CDH9: variants seen among roughly 807,000 people sequenced by gnomAD.
CDH9 encodes cadherin 9.
CDH9 carries 28 observed loss-of-function variants against 70.9 expected under a neutral mutation model. The ratio of observed to expected loss-of-function variants is 0.40; its 90% CI spans 0.29 to 0.54. The LOEUF (loss-of-function observed/expected upper bound fraction) is 0.54, where lower values mean the gene tolerates loss of function less well. CDH9 is among the 20% of genes least tolerant of loss of function. The pLI, the probability that CDH9 is intolerant of heterozygous loss-of-function variation, is 0.59. For synonymous variants in CDH9, 409 were observed against 343.1 expected (o/e 1.19, Z -2.12); for missense variants, 874 against 984.4 (o/e 0.89, Z 1.50).
chr5:27,021,025 A>G (rs1743129359), intron 1 of CDH9, among the ~76,000 whole-genome samples: 1 of 150,968 alleles, frequency 6.6e-6, no homozygotes, highest in Admixed American at 6.6e-5. Context: ...GATTTGGCTT[A>G]CTTTCTTTTG....
At chr5:26,930,932 T>G (rs1741451751) in intron 2 of CDH9, among the ~76,000 whole-genome samples, 1 of 152,138 alleles carries the variant, frequency 6.6e-6, no homozygotes, top group Non-Finnish European at 1.5e-5. Context: ...CATCTCATAT[T>G]AGATATTAGC....
intron 1 of CDH9, among the ~76,000 whole-genome samples, chr5:26,993,698 C>CAAAAAAAAAAAAAAA (rs34545141): frequency 2.0e-5 from 1 of 51,002 alleles, no homozygotes; most frequent in African/African-American, 8.4e-5. Context: ...TATTCAGCTG[C>CAAAAAAAAAAAAAAA]AAAAAAAAAA....
chr5:26,971,269 T>C (rs1326779924), intron 2 of CDH9, among the ~76,000 whole-genome samples: 1 of 152,164 alleles, frequency 6.6e-6, no homozygotes, highest in African/African-American at 2.4e-5. Flanking sequence ...AAATTAGGAT[T>C]CACTCATCGG....
chr5:27,034,365 A>G (rs77534649), intron 1 of CDH9, among the ~76,000 whole-genome samples: 144 of 151,748 alleles, frequency 9.5e-4, no homozygotes, highest in African/African-American at 3.3e-3. Context: ...TCATCGATCA[A>G]TTAGAGAGAT....
chr5:27,001,391 A>C (rs1254829032), intron 1 of CDH9, among the ~76,000 whole-genome samples: 3 of 152,118 alleles, frequency 2.0e-5, no homozygotes, highest in African/African-American at 7.2e-5. Context: ...CTATATTTGT[A>C]TACTGGAACT....
intron 6 of CDH9, chr5:26,903,330 A>G: frequency 2.3e-6 from 1 of 432,392 alleles, no homozygotes; most frequent in Non-Finnish European, 4.2e-6. Flanking sequence ...TGAAAAGTGC[A>G]TGAAATAATG....
rs1162227079 is a variant in CDH9 at position 26,881,412 on chromosome 5, A to T, written c.2094T>A (p.Phe698Leu). 1 of 1,613,498 alleles carries T rather than the reference A, an allele frequency of 6.2e-7. No homozygotes were observed. Among genetic ancestry groups the T allele is most frequent in the South Asian group, 1.1e-5 (1 of 91,076 alleles). ...ACAGAGGCACAGTCCTCCTTATCTG[A>T]AAAATAGTTTCAGGCATTACATCCC... ...LRRDVMPETIFQIRRTVPLWE... is the reference protein window; with the variant it reads ...LRRDVMPETILQIRRTVPLWE... The change falls in exon 12 of 12, where the codon TTT (phenylalanine) becomes TTA (leucine). Residue 698 changes from phenylalanine (F) to leucine (L), a missense_variant. By Grantham distance (22) the Phe-to-Leu change is conservative. Coordinates refer to ENST00000231021, the MANE Select transcript of CDH9 (RefSeq NM_016279.4).
intron 2 of CDH9, among the ~76,000 whole-genome samples, chr5:26,926,920 C>CCCT (rs143507295): frequency 0.071 from 10,157 of 143,526 alleles, 509 homozygotes; most frequent in East Asian, 0.17. Context: ...AAATACAGCC[C>CCCT]CCCCCCGCAA....
At chr5:26,996,882 G>C (rs749210785) in intron 1 of CDH9, among the ~76,000 whole-genome samples, 5 of 151,880 alleles carry the variant, frequency 3.3e-5, no homozygotes, top group African/African-American at 4.8e-5. Context: ...ATCCAAATTA[G>C]TGGTGTAAAA....
chr5:27,009,981 T>C (rs1742929713), intron 1 of CDH9, among the ~76,000 whole-genome samples: 1 of 152,048 alleles, frequency 6.6e-6, no homozygotes, highest in South Asian at 2.1e-4. Flanking sequence ...TTTTGTCCAA[T>C]TAAAAGGATT....
At chr5:26,889,004 T>A (rs539541233) in intron 9 of CDH9, among the ~76,000 whole-genome samples, 1 of 152,282 alleles carries the variant, frequency 6.6e-6, no homozygotes, top group East Asian at 1.9e-4. Context: ...AGGGTTACAT[T>A]TTCAAGATTT....
At chr5:26,978,771 G>A (rs1742347021) in intron 2 of CDH9, among the ~76,000 whole-genome samples, 1 of 151,652 alleles carries the variant, frequency 6.6e-6, no homozygotes, top group African/African-American at 2.4e-5. Context: ...ATTACATATA[G>A]GGCAGCAACA....
chr5:26,881,160 C>A lies in CDH9; in HGVS notation c.2346G>T (p.Gly782=). 1 of 1,611,906 alleles carries A rather than the reference C, an allele frequency of 6.2e-7. No individual in the cohort carries two copies. Among genetic ancestry groups the A allele is most frequent in the Non-Finnish European group, 8.5e-7 (1 of 1,178,868 alleles). ...PRFKKLADMY[G]GDDSDRD is the part of the protein sequence containing the mutation. Reference sequence around the variant, plus strand: ...CTTAGTCTCGGTCACTATCATCACCCCCATACATATCGGCAAGTTTTTTGA... The same window carrying A: ...CTTAGTCTCGGTCACTATCATCACCACCATACATATCGGCAAGTTTTTTGA... Residue 782 remains glycine (G), a synonymous_variant, in exon 12 of 12, where the codon GGG becomes GGT. Coordinates refer to ENST00000231021, the MANE Select transcript of CDH9 (RefSeq NM_016279.4).
chr5:26,978,956 T>C (rs1742350268), intron 2 of CDH9, among the ~76,000 whole-genome samples: 2 of 151,758 alleles, frequency 1.3e-5, no homozygotes, highest in South Asian at 4.1e-4. Flanking sequence ...AACGAAAAGC[T>C]AAGAAAACTT....
chr5:26,924,401 T>TA (rs1741299787), intron 2 of CDH9, among the ~76,000 whole-genome samples: 1 of 151,502 alleles, frequency 6.6e-6, no homozygotes, highest in Non-Finnish European at 1.5e-5. Flanking sequence ...GCAGTTGTGC[T>TA]AAAAAAGTGT....
chr5:27,024,601 GTAA>G (rs1404213483), intron 1 of CDH9, among the ~76,000 whole-genome samples: 5 of 152,022 alleles, frequency 3.3e-5, no homozygotes, highest in African/African-American at 1.2e-4. Flanking sequence ...TTGAGTGAAT[GTAA>G]TAATAATAAA....
intron 1 of CDH9, among the ~76,000 whole-genome samples, chr5:26,995,689 A>G (rs6897637): frequency 0.52 from 79,173 of 151,864 alleles, 22,145 homozygotes; most frequent in African/African-American, 0.69. Flanking sequence ...TTTTTATCCC[A>G]TTGGATTTAT....
Position 26,909,767 on chromosome 5 carries a change from CAT to C in CDH9, c.524-2931_524-2930del, listed in dbSNP as rs376363197. Among the ~76,000 whole-genome samples, 59 of 151,598 alleles carry C rather than the reference CAT, an allele frequency of 3.9e-4. No homozygotes were observed. The East Asian group carries it at 0.011, about 27-fold the overall frequency. On this transcript the variant is annotated intron_variant, in intron 3 of 11. Transcript: ENST00000231021. ...AAGAAGTTTACTGTAATTCTTAACT[CAT>C]TATTTACTTAACTGTATAACTAATA...
chr5:26,930,492 C>A (rs1741423252), intron 2 of CDH9, among the ~76,000 whole-genome samples: 3 of 151,998 alleles, frequency 2.0e-5, no homozygotes, highest in African/African-American at 7.2e-5. Flanking sequence ...TTCTATTTTT[C>A]ATCCACGTTT....
Sources: allele counts gnomAD v4.1 joint callset (sites outside exome capture counted in the v4.1 genomes callset), GRCh38; gene constraint gnomAD v4.1.1; transcripts MANE v1.5; gene names NCBI Gene and HGNC (gene_info 2026-07-23, HGNC 2026-07-21).